NALCN: variants seen among roughly 807,000 people sequenced by gnomAD.
NALCN encodes sodium leak channel NALCN.
In NALCN, 111 loss-of-function variants were observed where a neutral mutation model predicts 225.3. The ratio of observed to expected loss-of-function variants is 0.49; its 90% CI spans 0.42 to 0.58. The LOEUF is 0.58. NALCN is among the 20% of genes least tolerant of loss of function. The pLI is 0.00. For synonymous variants in NALCN, 764 were observed against 769.0 expected, an observed-to-expected ratio of 0.99 and a Z score of 0.11; for missense variants, 1,378 against 2,202.4, an observed-to-expected ratio of 0.63 and a Z score of 7.49.
chr13:101,192,134 A>C, intron 13 of NALCN, 80 bp from the exon 14 acceptor site: 10 of 1,474,422 alleles, frequency 6.8e-6, no homozygotes, highest in Non-Finnish European at 8.2e-6. Context: ...ATGTTTGAAG[A>C]CTTTGATCTC....
At position 101,404,160 on chromosome 13, in the gene NALCN, A is replaced by T. The variant is rs150922102; in HGVS notation, c.-39-4995T>A. Among the ~76,000 whole-genome samples the T allele has an allele frequency of 5.2e-3, 794 of 152,246 alleles. 8 individuals are homozygous for T. The highest frequency in any genetic ancestry group is 8.4e-3 in the Non-Finnish European group (574 of 68,026). ...TCTAGTGTGGCGCACTTTCTCTTCA[A>T]CGTCCATCTAGTGGTTTTCTTATTC... is the stretch of plus-strand genomic sequence containing the variant. On this transcript the variant is annotated intron_variant, in intron 1 of 43. Transcript: ENST00000251127.
intron 7 of NALCN, among the ~76,000 whole-genome samples, chr13:101,314,136 G>A (rs868232131): frequency 1.2e-4 from 15 of 126,056 alleles, no homozygotes; most frequent in African/African-American, 3.3e-4. Flanking sequence ...ACAGGAAGGC[G>A]AACATCACAC....
chr13:101,100,531 C>G (rs2034750467), intron 27 of NALCN, among the ~76,000 whole-genome samples: 1 of 152,198 alleles, frequency 6.6e-6, no homozygotes, highest in Admixed American at 6.5e-5. Context: ...CTAGGCTTGT[C>G]AGCCACTGGT....
chr13:101,217,917 C>A (rs2040800994), intron 13 of NALCN, among the ~76,000 whole-genome samples: 2 of 152,102 alleles, frequency 1.3e-5, no homozygotes, highest in South Asian at 4.1e-4. Context: ...ATTTACAAAC[C>A]TTGTTTGCAT....
In NALCN at chr13:101,114,042, C is replaced by T. The variant is rs185922871; in HGVS notation, c.2193-2816G>A. ...TGTGACCCCATCCCTAACTTGCTAG[C>T]CTCTCATGGTTCAAAGAAGTGCACC... On this transcript the variant is annotated intron_variant, in intron 18 of 43. Coordinates refer to ENST00000251127, the MANE Select transcript of NALCN (RefSeq NM_052867.4). Among the ~76,000 whole-genome samples the T allele has an allele frequency of 3.9e-5, 6 of 152,216 alleles. No individual in the cohort carries two copies. In the East Asian group the frequency reaches 1.2e-3, roughly 29 times the overall value.
Position 101,356,357 on chromosome 13 carries a change from T to C in NALCN, c.645-10937A>G, listed in dbSNP as rs537124739. Among the ~76,000 whole-genome samples the C allele has an allele frequency of 7.0e-4, 106 of 152,214 alleles. 1 individual carries two copies. Among genetic ancestry groups the C allele is most frequent in the African/African-American group, 2.4e-3 (99 of 41,538 alleles). ...ATCAAATAGACACAATAAAAAATGA[T>C]AACGGGGATATCACCACTGACCCCA... On this transcript the variant is annotated intron_variant, in intron 6 of 43. Coordinates refer to ENST00000251127, the MANE Select transcript of NALCN (RefSeq NM_052867.4).
At chr13:101,326,804 C>T (rs2044968905) in intron 7 of NALCN, among the ~76,000 whole-genome samples, 1 of 152,202 alleles carries the variant, frequency 6.6e-6, no homozygotes, top group Non-Finnish European at 1.5e-5. Context: ...TTCTGCTGAT[C>T]TCAGCTGGGT....
chr13:101,173,787 T>C (rs2038846687), intron 15 of NALCN, among the ~76,000 whole-genome samples: 1 of 152,220 alleles, frequency 6.6e-6, no homozygotes, highest in African/African-American at 2.4e-5. Context: ...TACATAAGTT[T>C]AAATCTTAAG....
rs188237867 is a variant in NALCN at position 101,395,320 on chromosome 13, A to T, written c.154T>A (p.Ser52Thr). ...GTCATTGGCGTATTCATACAAACAGAAATGACGCTGATGATGGCACAGATG... is the reference window on the plus strand; with the variant it reads ...GTCATTGGCGTATTCATACAAACAGTAATGACGCTGATGATGGCACAGATG... ...LRICAIISVI[S>T]VCMNTPMTFE... The change falls in exon 3 of 44, where the codon TCT (serine) becomes ACT (threonine). Residue 52 changes from serine to threonine, a missense_variant. By Grantham distance (58) the Ser-to-Thr change is moderately conservative (BLOSUM62 1). This residue lies in a region of NALCN where 146 missense variants were observed against 205.9 expected (regional missense o/e 0.71). Coordinates refer to ENST00000251127, the MANE Select transcript of NALCN (RefSeq NM_052867.4). 1 of 1,614,048 alleles carries T rather than the reference A, an allele frequency of 6.2e-7. No homozygotes were observed. The highest frequency in any genetic ancestry group is 1.7e-5 in the Admixed American group (1 of 60,010).
At chr13:101,346,087 C>CTCTCTCTCTATATATATATATATATATA in intron 6 of NALCN, among the ~76,000 whole-genome samples, 6 of 70,974 alleles carry the variant, frequency 8.5e-5, no homozygotes, top group South Asian at 5.5e-4. Context: ...CTCTCTCTCT[C>CTCTCTCTCTATATATATATATATATATA]TATATATATA....
Position 101,228,371 on chromosome 13 carries a change from G to A in NALCN, c.1626+1022C>T, listed in dbSNP as rs2041226741. ...AATATTATTCTTCCCATATGATATG[G>A]TTTGGCTGTGTCCCCACCCAAATGT... On this transcript the variant is annotated intron_variant, in intron 13 of 43. Transcript: ENST00000251127. Among the ~76,000 whole-genome samples the A allele has an allele frequency of 2.6e-5, 4 of 152,022 alleles. No individual in the cohort carries two copies. In the South Asian group the frequency reaches 6.2e-4, roughly 24 times the overall value.
At chr13:101,126,412 T>C (rs967337253) in intron 17 of NALCN, among the ~76,000 whole-genome samples, 2 of 152,180 alleles carry the variant, frequency 1.3e-5, no homozygotes, top group Non-Finnish European at 2.9e-5. Flanking sequence ...TCCATTTTCT[T>C]GGTAGCACAT....
At chr13:101,149,020 G>T (rs1413646076) in intron 15 of NALCN, among the ~76,000 whole-genome samples, 2 of 152,172 alleles carry the variant, frequency 1.3e-5, no homozygotes, top group Non-Finnish European at 2.9e-5. Flanking sequence ...TAGGCTGGGC[G>T]CAGTGGCTCA....
chr13:101,336,276 G>A (rs1439962618), intron 7 of NALCN, among the ~76,000 whole-genome samples: 2 of 152,044 alleles, frequency 1.3e-5, no homozygotes, highest in East Asian at 1.9e-4. Flanking sequence ...CCCACACAGG[G>A]AGCTGAGTCC....
intron 18 of NALCN, among the ~76,000 whole-genome samples, chr13:101,112,824 C>T (rs763788098): frequency 2.0e-5 from 3 of 152,110 alleles, no homozygotes; most frequent in African/African-American, 7.2e-5. Context: ...TTTGTATGTG[C>T]TTAGCGCACT....
At chr13:101,271,118 T>C (rs1168412849) in intron 10 of NALCN, among the ~76,000 whole-genome samples, 2 of 152,194 alleles carry the variant, frequency 1.3e-5, no homozygotes, top group African/African-American at 2.4e-5. Flanking sequence ...TAAAATGTTC[T>C]GCATATTTCT....
chr13:101,196,698 T>C (rs1439140071), intron 13 of NALCN, among the ~76,000 whole-genome samples: 1 of 152,188 alleles, frequency 6.6e-6, no homozygotes, highest in African/African-American at 2.4e-5. Flanking sequence ...GCTTCAGATA[T>C]TTCTTCAATT....
chr13:101,214,201 A>T (rs1333524689), intron 13 of NALCN, among the ~76,000 whole-genome samples: 1 of 152,022 alleles, frequency 6.6e-6, no homozygotes, highest in African/African-American at 2.4e-5. Flanking sequence ...AAGGACAGAA[A>T]ACCAAACACT....
At chr13:101,069,636 G>T (rs1376345265) in intron 37 of NALCN, among the ~76,000 whole-genome samples, 1 of 152,214 alleles carries the variant, frequency 6.6e-6, no homozygotes, top group Non-Finnish European at 1.5e-5. Flanking sequence ...TCTGCAGCAT[G>T]TGATGCTGTT....
Sources: gnomAD v4.1 joint callset for allele counts (sites outside exome capture counted in the v4.1 genomes callset) on GRCh38, gnomAD v4.1.1 for gene constraint, gnomAD v4.1.1 regional missense constraint, MANE v1.5 for transcripts, NCBI Gene and HGNC (gene_info 2026-07-23, HGNC 2026-07-21) for gene names.